CCDC60: variants seen among roughly 807,000 people sequenced by gnomAD.
CCDC60 encodes the protein coiled-coil domain containing 60, also known as coiled-coil domain-containing protein 60.
CCDC60 carries 54 observed loss-of-function variants against 63.5 expected under a neutral mutation model. The observed-to-expected ratio is 0.85, with a 90% confidence interval of 0.68 to 1.07. CCDC60 has a LOEUF of 1.07. Ranked by LOEUF, CCDC60 falls within the 50% of genes least tolerant of loss-of-function variation. CCDC60 has a pLI of 0.00. For synonymous variants in CCDC60, 206 were observed against 238.8 expected, an observed-to-expected ratio of 0.86 and a Z score of 1.27; for missense variants, 651 against 684.3, an observed-to-expected ratio of 0.95 and a Z score of 0.54.
At chr12:119,434,525 G>A (rs1431422339) in intron 2 of CCDC60, among the ~76,000 whole-genome samples, 1 of 152,196 alleles carries the variant, frequency 6.6e-6, no homozygotes, top group Non-Finnish European at 1.5e-5. Flanking sequence ...AGCAGAATTT[G>A]AAGGTGGGGA....
At chr12:119,362,957 G>A (rs913012566) in intron 1 of CCDC60, among the ~76,000 whole-genome samples, 5 of 152,190 alleles carry the variant, frequency 3.3e-5, no homozygotes, top group Admixed American at 1.3e-4. Context: ...AAATTAGCGG[G>A]TGTGGTGGCA....
At chr12:119,514,510 T>G (rs539676787) in intron 7 of CCDC60, among the ~76,000 whole-genome samples, 1 of 152,046 alleles carries the variant, frequency 6.6e-6, no homozygotes, top group South Asian at 2.1e-4. Flanking sequence ...CAAAAATGTT[T>G]TAAAAGTAAA....
At chr12:119,506,382 C>T (rs780630869) in intron 7 of CCDC60, among the ~76,000 whole-genome samples, 2 of 145,736 alleles carry the variant, frequency 1.4e-5, no homozygotes, top group Non-Finnish European at 3.0e-5. Flanking sequence ...GTGGGCAGAT[C>T]GCTTGAGTTC....
chr12:119,515,986 T>C (rs1163606733), intron 7 of CCDC60, among the ~76,000 whole-genome samples: 1 of 152,086 alleles, frequency 6.6e-6, no homozygotes, highest in Admixed American at 6.5e-5. Context: ...CTGGCTGCAG[T>C]AGAGTTTAAG....
Position 119,530,886 on chromosome 12 carries a change from G to T in CCDC60, c.1374G>T (p.Leu458=), listed in dbSNP as rs200715210. ...EEIADHWYFD[L]LSKLPEDLKN... ...TTTGGAATTGAAGGTACTTTGATCT[G>T]TTGTCCAAACTGCCAGAGGATCTAA... Residue 458 remains leucine (L), a synonymous_variant, in exon 13 of 14, where the codon CTG becomes CTT. Transcript: ENST00000327554. 8.7e-6 allele frequency: 14 copies of T among 1,613,604 alleles called. No individual in the cohort carries two copies. Among genetic ancestry groups the T allele is most frequent in the Non-Finnish European group, 1.0e-5 (12 of 1,179,812 alleles).
intron 1 of CCDC60, among the ~76,000 whole-genome samples, chr12:119,379,332 CACCCAGGAGA>C (rs1955986156): frequency 1.3e-5 from 2 of 152,228 alleles, no homozygotes; most frequent in African/African-American, 4.8e-5. Flanking sequence ...GTGGCCTGGA[CACCCAGGAGA>C]TGTTGAAAGG....
At chr12:119,437,106 A>T (rs1950340494) in intron 2 of CCDC60, among the ~76,000 whole-genome samples, 1 of 152,022 alleles carries the variant, frequency 6.6e-6, no homozygotes, top group African/African-American at 2.4e-5. Flanking sequence ...CACCAGCCCT[A>T]TTTCTTGGGC....
chr12:119,506,129 T>G (rs1181777975), intron 7 of CCDC60, among the ~76,000 whole-genome samples: 1 of 152,132 alleles, frequency 6.6e-6, no homozygotes, highest in Non-Finnish European at 1.5e-5. Context: ...TCCAACCACC[T>G]GAAAGAAAAC....
At chr12:119,486,916 G>A (rs1951454936) in intron 4 of CCDC60, among the ~76,000 whole-genome samples, 1 of 152,078 alleles carries the variant, frequency 6.6e-6, no homozygotes, top group African/African-American at 2.4e-5. Flanking sequence ...GAGTGTTGAT[G>A]AGGGCAGGAT....
intron 1 of CCDC60, among the ~76,000 whole-genome samples, chr12:119,338,958 T>C (rs1031424381): frequency 3.9e-5 from 6 of 152,236 alleles, no homozygotes; most frequent in African/African-American, 1.4e-4. Flanking sequence ...TCCTAACGAA[T>C]GTTCCACTGG....
chr12:119,400,836 T>A (rs1050455322), intron 1 of CCDC60, among the ~76,000 whole-genome samples: 5 of 137,694 alleles, frequency 3.6e-5, no homozygotes, highest in African/African-American at 1.3e-4. Flanking sequence ...ATGATGGCCA[T>A]CCCGGAGAGC....
At chr12:119,401,415 C>G (rs1341439902) in intron 1 of CCDC60, among the ~76,000 whole-genome samples, 2 of 152,242 alleles carry the variant, frequency 1.3e-5, no homozygotes, top group East Asian at 1.9e-4. Flanking sequence ...TGCTGCGTAT[C>G]AAATCCTGTA....
intron 1 of CCDC60, among the ~76,000 whole-genome samples, chr12:119,426,441 G>C (rs1956903127): frequency 6.6e-6 from 1 of 151,864 alleles, no homozygotes; most frequent in South Asian, 2.1e-4. Context: ...CAGCAGCCTT[G>C]ACCTCTTGGG....
intron 1 of CCDC60, among the ~76,000 whole-genome samples, chr12:119,342,078 CAT>C (rs895402591): frequency 6.6e-6 from 1 of 152,172 alleles, no homozygotes; most frequent in African/African-American, 2.4e-5. Flanking sequence ...TTATTTTTCT[CAT>C]GTGAGAAGTC....
chr12:119,463,330 C>T (rs560111030), intron 2 of CCDC60, among the ~76,000 whole-genome samples: 59 of 152,332 alleles, frequency 3.9e-4, no homozygotes, highest in African/African-American at 1.3e-3. Flanking sequence ...GTGGGACTTC[C>T]GAAAGGACAG....
At chr12:119,337,349 G>A (rs907601374) in intron 1 of CCDC60, among the ~76,000 whole-genome samples, 1 of 152,166 alleles carries the variant, frequency 6.6e-6, no homozygotes, top group Non-Finnish European at 1.5e-5. Context: ...ATCAGAGCGG[G>A]AGCAGCAGAC....
rs886486069 is a variant in CCDC60, at chr12:119,363,174, T to C, written c.90+27908T>C. ...TGTCAGCCATGTATGAGAGCTCCAG[T>C]TGCTCCATATCCTCATCAAAATTTA... On this transcript the variant is annotated intron_variant, in intron 1 of 13. Transcript: ENST00000327554. Among the ~76,000 whole-genome samples, 24 of 152,212 alleles carry C rather than the reference T, an allele frequency of 1.6e-4. 1 individual carries two copies. Among genetic ancestry groups the C allele is most frequent in the African/African-American group, 5.5e-4 (23 of 41,460 alleles).
intron 1 of CCDC60, among the ~76,000 whole-genome samples, chr12:119,376,153 G>A (rs557916266): frequency 4.6e-5 from 7 of 152,262 alleles, no homozygotes; most frequent in Admixed American, 2.6e-4. Context: ...TCAGAAAAAC[G>A]CACTTGCTAA....
At chr12:119,492,177 A>G (rs765100151) in intron 5 of CCDC60, among the ~76,000 whole-genome samples, 4 of 152,242 alleles carry the variant, frequency 2.6e-5, no homozygotes, top group South Asian at 2.1e-4. Flanking sequence ...CTAGCTGACT[A>G]TTTCTTCCTG....
Sources: gnomAD v4.1 joint callset for allele counts (sites outside exome capture counted in the v4.1 genomes callset) on GRCh38, gnomAD v4.1.1 for gene constraint, MANE v1.5 for transcripts, NCBI Gene and HGNC (gene_info 2026-07-23, HGNC 2026-07-21) for gene names.